Variants in IFT56 observed in about 807,000 individuals in gnomAD.
IFT56 encodes the protein intraflagellar transport protein 56.
chr7:139,160,958 A>G, the IFT56 span: 1 of 1,613,610 alleles, frequency 6.2e-7, no homozygotes, highest in Admixed American at 1.7e-5. Flanking sequence ...GCAGAACTCA[A>G]AAGCTTGATG....
chr7:139,176,364 A>T, the IFT56 span, among the ~76,000 whole-genome samples: 1 of 152,164 alleles, frequency 6.6e-6, no homozygotes, highest in African/African-American at 2.4e-5. Context: ...AAAATTAAAA[A>T]AAATAAAGTA....
chr7:139,144,733 A>G, the IFT56 span, among the ~76,000 whole-genome samples: 1 of 151,990 alleles, frequency 6.6e-6, no homozygotes, highest in Non-Finnish European at 1.5e-5. Flanking sequence ...TATTCCATTT[A>G]TCTATTTCGT....
the IFT56 span, chr7:139,169,398 G>A: frequency 7.1e-5 from 109 of 1,544,308 alleles, no homozygotes; most frequent in Non-Finnish European, 8.9e-5. Context: ...AATTGGAGTG[G>A]GGCATATATT....
the IFT56 span, among the ~76,000 whole-genome samples, chr7:139,186,740 G>T: frequency 6.6e-6 from 1 of 152,104 alleles, no homozygotes; most frequent in Non-Finnish European, 1.5e-5. Flanking sequence ...AAAATACTCA[G>T]TTCAAATCAC....
chr7:139,165,298 A>G, the IFT56 span: 22 of 1,090,094 alleles, frequency 2.0e-5, no homozygotes, highest in South Asian at 3.0e-4. Context: ...AATATGTCTG[A>G]TGGAACTATT....
chr7:139,181,185 A>T, the IFT56 span: 5 of 1,611,164 alleles, frequency 3.1e-6, no homozygotes, highest in South Asian at 5.5e-5. Flanking sequence ...CTCATTGCTA[A>T]TGACTGCTAC....
chr7:139,163,257 G>T, the IFT56 span, among the ~76,000 whole-genome samples: 1 of 150,856 alleles, frequency 6.6e-6, no homozygotes, highest in Non-Finnish European at 1.5e-5. Flanking sequence ...CAGGAGAATG[G>T]TGTGAACCCG....
At chr7:139,187,864 GTT>G in the IFT56 span, among the ~76,000 whole-genome samples, 2 of 140,222 alleles carry the variant, frequency 1.4e-5, no homozygotes, top group African/African-American at 2.6e-5. Context: ...TAGGCAAAGT[GTT>G]TTTTTTTTTT....
the IFT56 span, among the ~76,000 whole-genome samples, chr7:139,157,947 G>T: frequency 6.6e-6 from 1 of 152,146 alleles, no homozygotes; most frequent in African/African-American, 2.4e-5. Context: ...GATTGCAGTG[G>T]GGTGACAGGG....
At chr7:139,136,792 C>T in the IFT56 span, among the ~76,000 whole-genome samples, 1 of 152,138 alleles carries the variant, frequency 6.6e-6, no homozygotes, top group Non-Finnish European at 1.5e-5. Flanking sequence ...GCTCTTTGCT[C>T]ACATTCTTAG....
chr7:139,142,552 T>G, the IFT56 span, among the ~76,000 whole-genome samples: 2 of 152,022 alleles, frequency 1.3e-5, no homozygotes, highest in Admixed American at 1.3e-4. Flanking sequence ...AAGTTTAGAC[T>G]GGCATGATAG....
chr7:139,172,899 G>T, the IFT56 span: 2 of 705,728 alleles, frequency 2.8e-6, no homozygotes, highest in Non-Finnish European at 5.4e-6. Flanking sequence ...TGCTATGCAC[G>T]GGTGTCTTCT....
At chr7:139,142,812 A>G in the IFT56 span, among the ~76,000 whole-genome samples, 1 of 152,174 alleles carries the variant, frequency 6.6e-6, no homozygotes, top group Non-Finnish European at 1.5e-5. Flanking sequence ...AGCCTGGGCG[A>G]CAGCACGAGA....
the IFT56 span, among the ~76,000 whole-genome samples, chr7:139,165,951 G>C: frequency 6.6e-6 from 1 of 152,060 alleles, no homozygotes; most frequent in South Asian, 2.1e-4. Context: ...TATTTTATTT[G>C]TTTATTTATT....
At chr7:139,147,422 G>A in the IFT56 span, 1 of 781,966 alleles carries the variant, frequency 1.3e-6, no homozygotes, top group Non-Finnish European at 1.9e-6. Flanking sequence ...ATAATTTGGT[G>A]AGATTAAGAA....
the IFT56 span, among the ~76,000 whole-genome samples, chr7:139,153,821 G>A: frequency 6.6e-6 from 1 of 152,124 alleles, no homozygotes; most frequent in Admixed American, 6.5e-5. Context: ...GTTTTTGTTT[G>A]TATGTATGTT....
chr7:139,145,414 A>G, the IFT56 span, among the ~76,000 whole-genome samples: 1 of 151,350 alleles, frequency 6.6e-6, no homozygotes, highest in Non-Finnish European at 1.5e-5. Flanking sequence ...TGAACCCTTC[A>G]CGTAGATTTT....
the IFT56 span, among the ~76,000 whole-genome samples, chr7:139,166,443 C>T: frequency 6.6e-6 from 1 of 151,920 alleles, no homozygotes; most frequent in Non-Finnish European, 1.5e-5. Context: ...CTTCTTTTTT[C>T]ATCACCTCTT....
At chr7:139,181,221 G>C in the IFT56 span, 9 of 1,541,474 alleles carry the variant, frequency 5.8e-6, no homozygotes, top group Non-Finnish European at 8.0e-6. Context: ...GAGACTAAAG[G>C]GAACATTAAA....
Sources: gnomAD v4.1 joint callset for allele counts (sites outside exome capture counted in the v4.1 genomes callset) on GRCh38, gnomAD v4.1.1 for gene constraint, MANE v1.5 for transcripts, NCBI Gene and HGNC (gene_info 2026-07-23, HGNC 2026-07-21) for gene names.